Variants in FLT1 observed in about 807,000 individuals in gnomAD.
The protein encoded by FLT1 is vascular endothelial growth factor receptor 1.
In FLT1, 49 loss-of-function variants were observed where a neutral mutation model predicts 156.3. The ratio of observed to expected loss-of-function variants is 0.31; its 90% CI spans 0.25 to 0.40. The LOEUF (loss-of-function observed/expected upper bound fraction) is 0.40, where lower values mean the gene tolerates loss of function less well. FLT1 is among the 10% of genes least tolerant of loss of function. The pLI, the probability that FLT1 is intolerant of heterozygous loss-of-function variation, is 1.00. For missense variants in FLT1, 1,322 were observed against 1,637.2 expected, an observed-to-expected ratio of 0.81 and a Z score of 3.32; for synonymous variants, 594 against 583.8, an observed-to-expected ratio of 1.02 and a Z score of -0.25.
rs551140040 is a variant in FLT1, at chr13:28,419,792, T to C, written c.1436+7367A>G. Among the ~76,000 whole-genome samples the C allele has an allele frequency of 1.7e-3, 254 of 152,224 alleles. 2 individuals carry two copies. The highest frequency in any genetic ancestry group is 2.0e-3 in the Non-Finnish European group (139 of 68,008). ...TACTTGGGAGGCTGAGGCAGGAGAA[T>C]CACTTGAACCCAGGAGGCGGAGGTT... On this transcript the variant is annotated intron_variant, in intron 10 of 29. Transcript: ENST00000282397.
At chr13:28,424,993 A>G (rs1226250761) in intron 10 of FLT1, among the ~76,000 whole-genome samples, 1 of 152,210 alleles carries the variant, frequency 6.6e-6, no homozygotes, top group African/African-American at 2.4e-5. Flanking sequence ...TTTTAGCTTC[A>G]TCTCTCTGAG....
chr13:28,442,427 A>T (rs1034178892), intron 3 of FLT1, among the ~76,000 whole-genome samples: 1 of 152,226 alleles, frequency 6.6e-6, no homozygotes, highest in Non-Finnish European at 1.5e-5. Context: ...ACCAATCCCA[A>T]ATGAAAATAG....
chr13:28,303,538 G>A (rs1220890583), intron 29 of FLT1, among the ~76,000 whole-genome samples, 170 bp from the exon 30 acceptor site: 2 of 146,770 alleles, frequency 1.4e-5, no homozygotes, highest in East Asian at 4.3e-4. Context: ...TTCTAAAGCT[G>A]CACACGGCCT....
chr13:28,423,757 C>T (rs1290750205), intron 10 of FLT1, among the ~76,000 whole-genome samples: 1 of 152,222 alleles, frequency 6.6e-6, no homozygotes, highest in Non-Finnish European at 1.5e-5. Context: ...ATATGCTTAA[C>T]ATCCTTATGA....
chr13:28,475,931 T>C (rs1301060669), intron 1 of FLT1, among the ~76,000 whole-genome samples: 1 of 152,208 alleles, frequency 6.6e-6, no homozygotes, highest in Non-Finnish European at 1.5e-5. Context: ...AGAGTTCATA[T>C]TCCATCCACC....
chr13:28,434,873 ACT>A (rs1173890935), intron 4 of FLT1, among the ~76,000 whole-genome samples: 4 of 152,070 alleles, frequency 2.6e-5, no homozygotes, highest in South Asian at 2.1e-4. Flanking sequence ...ATAGAACGAG[ACT>A]CTGTCTCAAA....
At chr13:28,349,133 C>T (rs1341996571) in intron 15 of FLT1, among the ~76,000 whole-genome samples, 1 of 152,122 alleles carries the variant, frequency 6.6e-6, no homozygotes, top group African/African-American at 2.4e-5. Flanking sequence ...GGCTATGGTC[C>T]TCTTCTTCAC....
At chr13:28,472,705 C>T (rs1347925813) in intron 1 of FLT1, among the ~76,000 whole-genome samples, 2 of 152,124 alleles carry the variant, frequency 1.3e-5, no homozygotes. Context: ...AGTCATTAAT[C>T]TCCCTAGCTC....
chr13:28,316,638 CTTTT>C (rs572382294), intron 25 of FLT1, among the ~76,000 whole-genome samples: 1 of 134,674 alleles, frequency 7.4e-6, no homozygotes. Flanking sequence ...CTAAAAGGTT[CTTTT>C]TTTTTTTTTT....
intron 11 of FLT1, among the ~76,000 whole-genome samples, chr13:28,404,954 A>C (rs532819549): frequency 2.0e-5 from 3 of 149,982 alleles, no homozygotes; most frequent in South Asian, 4.2e-4. Context: ...CAGGAGGCAG[A>C]GGTTGCAGTG....
rs1345445629 is a variant in FLT1, at chr13:28,387,051, A to G, written c.1970-2020T>C. 3 of 1,037,366 alleles carry G rather than the reference A, an allele frequency of 2.9e-6. No individual in the cohort carries two copies. In the African/African-American group the frequency reaches 5.0e-5, roughly 17 times the overall value. The allele number at this position is 1,037,366 out of a possible 1,614,324, so 64.3% of individuals were successfully genotyped here. ...ACAGACACGATTTGGACTCCCTGACAGGTGGATTGGAAAACGGTGTTTAAA... is the reference window on the plus strand; with the variant it reads ...ACAGACACGATTTGGACTCCCTGACGGGTGGATTGGAAAACGGTGTTTAAA... On this transcript the variant is annotated intron_variant, in intron 13 of 29. Transcript: ENST00000282397.
At chr13:28,482,175 C>T (rs1469131358) in intron 1 of FLT1, among the ~76,000 whole-genome samples, 2 of 152,224 alleles carry the variant, frequency 1.3e-5, no homozygotes, top group South Asian at 2.1e-4. Context: ...CAGACCTCGC[C>T]GGGTGTGGTG....
At chr13:28,477,056 GA>G (rs1043539618) in intron 1 of FLT1, among the ~76,000 whole-genome samples, 1 of 152,102 alleles carries the variant, frequency 6.6e-6, no homozygotes, top group Non-Finnish European at 1.5e-5. Context: ...TATTTACACG[GA>G]AAAAAATCTG....
chr13:28,477,651 T>C (rs568342927), intron 1 of FLT1, among the ~76,000 whole-genome samples: 23 of 152,314 alleles, frequency 1.5e-4, no homozygotes, highest in African/African-American at 5.3e-4. Context: ...AGGAACGTTT[T>C]GTCTGTTAGG....
chr13:28,466,006 C>A (rs1879829165), intron 3 of FLT1, among the ~76,000 whole-genome samples: 1 of 151,988 alleles, frequency 6.6e-6, no homozygotes, highest in Non-Finnish European at 1.5e-5. Context: ...TTTTTTTAAA[C>A]CTGATTCTGT....
intron 3 of FLT1, among the ~76,000 whole-genome samples, chr13:28,462,992 T>C (rs1166709495): frequency 2.6e-5 from 4 of 152,214 alleles, no homozygotes; most frequent in Admixed American, 2.6e-4. Context: ...CACAGAGCCC[T>C]AATGTGAAGT....
intron 10 of FLT1, among the ~76,000 whole-genome samples, chr13:28,417,854 C>CCT (rs148758759): frequency 0.022 from 3,294 of 152,132 alleles, 127 homozygotes; most frequent in African/African-American, 0.075. Context: ...AAATTAGCAG[C>CCT]CTCTATGTCC....
At chr13:28,474,042 G>T (rs933392051) in intron 1 of FLT1, among the ~76,000 whole-genome samples, 5 of 152,156 alleles carry the variant, frequency 3.3e-5, no homozygotes, top group Admixed American at 1.3e-4. Flanking sequence ...GCAGCTATTT[G>T]CAAGCCACAG....
chr13:28,362,715 T>G (rs1217043464), intron 14 of FLT1, among the ~76,000 whole-genome samples: 1 of 152,064 alleles, frequency 6.6e-6, no homozygotes, highest in Non-Finnish European at 1.5e-5. Context: ...TAAATAAAGT[T>G]AAAGGACTTG....
Sources: gnomAD v4.1 joint callset for allele counts (sites outside exome capture counted in the v4.1 genomes callset) on GRCh38, gnomAD v4.1.1 for gene constraint, MANE v1.5 for transcripts, NCBI Gene and HGNC (gene_info 2026-07-23, HGNC 2026-07-21) for gene names.